Variants in ZNF254 observed in about 807,000 individuals in gnomAD.
ZNF254 encodes CTD-2017D11.1.
In ZNF254, 10 loss-of-function variants were observed where a neutral mutation model predicts 12.4. The ratio of observed to expected loss-of-function variants is 0.80; its 90% CI spans 0.50 to 1.36. ZNF254 has a LOEUF of 1.36. ZNF254 is among the 40% of genes most tolerant of loss of function. ZNF254 has a pLI of 0.00. For missense variants in ZNF254, 996 were observed against 763.9 expected (o/e 1.30, Z -3.58); for synonymous variants, 305 against 253.4 (o/e 1.20, Z -1.93).
At chr19:24,105,128 G>T (rs774526945) in intron 1 of ZNF254, 13 of 157,182 alleles carry the variant, frequency 8.3e-5, no homozygotes, top group Admixed American at 2.0e-4. Flanking sequence ...TCCTAGTGCA[G>T]TTGATGTTGA....
At chr19:24,047,422 T>C (rs752355755) in intron 2 of ZNF254, among the ~76,000 whole-genome samples, 13 of 151,786 alleles carry the variant, frequency 8.6e-5, no homozygotes, top group Non-Finnish European at 1.8e-4. Context: ...CATGCCATCA[T>C]GCCTGGCTAA....
chr19:24,124,826 T>G (rs1340802317), intron 3 of ZNF254, among the ~76,000 whole-genome samples: 1 of 151,632 alleles, frequency 6.6e-6, no homozygotes, highest in African/African-American at 2.4e-5. Flanking sequence ...CAGGCTTGAG[T>G]GTAGTGGTGT....
intron 1 of ZNF254, chr19:24,046,141 A>G (rs1328083128): frequency 6.6e-6 from 1 of 151,906 alleles, no homozygotes; most frequent in African/African-American, 2.4e-5. Context: ...TGGCAATTAC[A>G]TATCCTCCAG....
rs1555753129 is a variant in ZNF254 at position 24,055,232 on chromosome 19, A to AAAAAAAAAAAAAAAAAAAAAAAAAG, written c.-94+8953_-94+8954insAAAAAAAAAAAAAAAAAAAAAAAAG. Among the ~76,000 whole-genome samples, 14 of 122,630 alleles carry AAAAAAAAAAAAAAAAAAAAAAAAAG rather than the reference A, an allele frequency of 1.1e-4. 2 individuals are homozygous for AAAAAAAAAAAAAAAAAAAAAAAAAG. The highest frequency in any genetic ancestry group is 2.3e-4 in the Non-Finnish European group (13 of 55,430). The allele number at this position is 122,630 out of a possible 152,430, so 80.5% of individuals were successfully genotyped here. A position where few individuals can be genotyped will look rare whatever the true frequency, so the allele number is the denominator to read the frequency against. Reference sequence around the variant, plus strand: ...AAAAAAAAAAAAAAAAAAAAAAAAAAGAGTGTACTAACAAGACCCAGCACA... The same window carrying AAAAAAAAAAAAAAAAAAAAAAAAAG: ...AAAAAAAAAAAAAAAAAAAAAAAAAAAAAAAAAAAAAAAAAAAAAAAAAAGGAGTGTACTAACAAGACCCAGCACA... On this transcript the variant is annotated intron_variant, in intron 2 of 4. Coordinates refer to the ZNF254 transcript ENST00000613065.
At chr19:24,083,411 A>G (rs1971918674), upstream of ZNF254, among the ~76,000 whole-genome samples, 2 of 152,316 alleles carry the variant, frequency 1.3e-5, no homozygotes, top group South Asian at 4.1e-4. Flanking sequence ...CAAATTCAAT[A>G]CAATTCCTAT....
At chr19:24,056,746 G>A (rs1439969783) in intron 2 of ZNF254, among the ~76,000 whole-genome samples, 1 of 152,184 alleles carries the variant, frequency 6.6e-6, no homozygotes, top group Admixed American at 6.5e-5. Context: ...CTCATAGGGA[G>A]CATTGTGACA....
chr19:24,122,596 A>T (rs973879824), intron 3 of ZNF254, among the ~76,000 whole-genome samples: 11 of 151,950 alleles, frequency 7.2e-5, no homozygotes, highest in African/African-American at 2.7e-4. Flanking sequence ...TAACTCCTTC[A>T]TATATTTCAT....
At chr19:24,098,411 AT>A (rs1312262373) in intron 1 of ZNF254, 2 of 152,220 alleles carry the variant, frequency 1.3e-5, no homozygotes, top group African/African-American at 4.8e-5. Flanking sequence ...TCACAGTCAT[AT>A]TTTAATTTTT....
intron 2 of ZNF254, among the ~76,000 whole-genome samples, chr19:24,062,014 G>A (rs1159993167): frequency 6.6e-6 from 1 of 151,598 alleles, no homozygotes; most frequent in Non-Finnish European, 1.5e-5. Flanking sequence ...GAACCCAGGA[G>A]GTGGAGGTTG....
At position 24,126,911 on chromosome 19, in the gene ZNF254, T is replaced by C; in HGVS notation, c.911T>C (p.Ile304Thr). 1 of 1,612,068 alleles carries C rather than the reference T, an allele frequency of 6.2e-7. No homozygotes were observed. ...TGTGAAGAATGTGGCAAAGCATTTA[T>C]CTGGTCCTCAACCCTTACTGAGCAT... ...YKCEECGKAF[I>T]WSSTLTEHKK... Residue 304 changes from isoleucine to threonine, a missense_variant, in exon 4 of 4, where the codon ATC (isoleucine) becomes ACC (threonine). Physicochemically the swap from Ile to Thr is moderately conservative, Grantham distance 89 (BLOSUM62 -1). Transcript: ENST00000357002.
chr19:24,051,202 G>A (rs112199258), intron 2 of ZNF254, among the ~76,000 whole-genome samples: 1 of 152,128 alleles, frequency 6.6e-6, no homozygotes, highest in Non-Finnish European at 1.5e-5. Context: ...TTGTTGCCCC[G>A]GCTGGAGTGC....
Position 24,126,270 on chromosome 19 carries a change from T to G in ZNF254, c.270T>G (p.Phe90Leu). The G allele has an allele frequency of 6.7e-7, 1 of 1,490,242 alleles. No homozygotes were observed. Among genetic ancestry groups the G allele is most frequent in the Non-Finnish European group, 8.9e-7 (1 of 1,121,850 alleles). 92.3% of individuals were successfully genotyped at this position (1,490,242 alleles called of 1,614,324 possible). The change falls in exon 4 of 4, where the codon TTT becomes TTG. Residue 90 changes from phenylalanine to leucine, a missense_variant. Transcript: ENST00000357002. ...TTTTTTCAGGTATGTGTCCTCATTT[T>G]GCTCAAGACCTTTGGCCAGAGCAGG... ...VDEPPGMCPHFAQDLWPEQGM... is the reference protein window; with the variant it reads ...VDEPPGMCPHLAQDLWPEQGM...
At chr19:24,078,716 T>C (rs1332970524) in intron 2 of ZNF254, 3 of 152,186 alleles carry the variant, frequency 2.0e-5, no homozygotes, top group Non-Finnish European at 4.4e-5. Flanking sequence ...GGGCCTAGCA[T>C]AGGTCAAAGA....
At chr19:24,063,503 ATGTTT>A (rs1971153661) in intron 2 of ZNF254, among the ~76,000 whole-genome samples, 1 of 152,032 alleles carries the variant, frequency 6.6e-6, no homozygotes, top group Admixed American at 6.6e-5. Context: ...GGCCTATGTT[ATGTTT>A]ATCTTTTGCT....
Position 24,114,015 on chromosome 19 carries a change from A to G in ZNF254, c.253+7372A>G, listed in dbSNP as rs983172177. On this transcript the variant is annotated intron_variant, in intron 3 of 3. Transcript: ENST00000357002. ...AAGGAGAACTACAAACCACTGCTCA[A>G]TGAAATAAAAGAGGATACAAACAAA... Among the ~76,000 whole-genome samples the G allele has an allele frequency of 4.9e-4, 74 of 152,044 alleles. 2 individuals carry two copies. Among genetic ancestry groups the G allele is most frequent in the Non-Finnish European group, 1.2e-4 (8 of 67,978 alleles).
intron 1 of ZNF254, among the ~76,000 whole-genome samples, chr19:24,044,609 ATATTT>A (rs1328327724): frequency 6.6e-6 from 1 of 152,234 alleles, no homozygotes; most frequent in Non-Finnish European, 1.5e-5. Context: ...ATTCGTGTTT[ATATTT>A]TGTTTTATAT....
At chr19:24,101,539 A>C (rs1054945886) in intron 1 of ZNF254, among the ~76,000 whole-genome samples, 1 of 152,264 alleles carries the variant, frequency 6.6e-6, no homozygotes, top group African/African-American at 2.4e-5. Flanking sequence ...GTGAGAGATC[A>C]AGGCCACAAA....
At chr19:24,090,195 T>G (rs1003213274) in intron 1 of ZNF254, among the ~76,000 whole-genome samples, 1 of 151,734 alleles carries the variant, frequency 6.6e-6, no homozygotes, top group African/African-American at 2.4e-5. Flanking sequence ...GAGACTCCAT[T>G]TCAAAAACAA....
chr19:24,091,230 C>A lies in ZNF254; in HGVS notation c.30+3893C>A, dbSNP rs563722571. On this transcript the variant is annotated intron_variant, in intron 1 of 3. Coordinates refer to ENST00000357002, the MANE Select transcript of ZNF254 (RefSeq NM_203282.4). ...AAAGTGCTGGGATTACAGGCATCAA[C>A]CACCGTGCTTGGCCTATGGCTGAGT... Among the ~76,000 whole-genome samples the A allele has an allele frequency of 2.0e-5, 3 of 151,850 alleles. No individual in the cohort carries two copies. The East Asian group carries it at 5.9e-4, about 30-fold the overall frequency.
Sources: gnomAD v4.1 joint callset for allele counts (sites outside exome capture counted in the v4.1 genomes callset) on GRCh38, gnomAD v4.1.1 for gene constraint, MANE v1.5 for transcripts, NCBI Gene and HGNC (gene_info 2026-07-23, HGNC 2026-07-21) for gene names.